Variants in HOPX observed in about 807,000 individuals in gnomAD.
The protein encoded by HOPX is HOP homeobox.
A neutral mutation model predicts 11.8 loss-of-function variants in HOPX; 5 were observed. That is an observed-to-expected ratio of 0.43 (90% CI 0.22 to 0.89). The LOEUF (loss-of-function observed/expected upper bound fraction) is 0.89. Among genes scored for constraint, HOPX ranks in the 40% least tolerant of loss-of-function variants. The pLI is 0.28. For synonymous variants in HOPX, 49 were observed against 49.7 expected (o/e 0.99, Z 0.06); for missense variants, 119 against 120.0 (o/e 0.99, Z 0.04).
intron 1 of HOPX, chr4:56,662,504 G>A (rs1386397415): frequency 2.0e-5 from 3 of 147,724 alleles, no homozygotes; most frequent in Non-Finnish European, 4.5e-5. Context: ...TTTTTAGACG[G>A]AGTCTCATTC....
intron 1 of HOPX, among the ~76,000 whole-genome samples, chr4:56,673,040 C>T (rs1460225070): frequency 6.6e-6 from 1 of 152,176 alleles, no homozygotes; most frequent in Non-Finnish European, 1.5e-5. Flanking sequence ...AAACCTCTAG[C>T]CCACTCCTTT....
chr4:56,659,328 T>C (rs1453233134), intron 1 of HOPX: 2 of 152,280 alleles, frequency 1.3e-5, no homozygotes, highest in Admixed American at 6.5e-5. Context: ...TCTTGAAACA[T>C]TTTGTATTTT....
At chr4:56,654,388 G>A (rs1471685332) in intron 3 of HOPX, among the ~76,000 whole-genome samples, 1 of 152,232 alleles carries the variant, frequency 6.6e-6, no homozygotes, top group African/African-American at 2.4e-5. Context: ...TCTTGTTGGT[G>A]CTGTGCCCAC....
intron 1 of HOPX, among the ~76,000 whole-genome samples, chr4:56,677,635 AC>A (rs1210341744): frequency 1.3e-5 from 2 of 151,624 alleles, no homozygotes; most frequent in African/African-American, 4.9e-5. Context: ...CCAATTGGAA[AC>A]ATGGCCAGGG....
intron 3 of HOPX, 53 bp from the exon 4 acceptor site, chr4:56,648,850 G>T: frequency 1.5e-6 from 2 of 1,377,986 alleles, no homozygotes; most frequent in Non-Finnish European, 2.1e-6. Context: ...AAACTGAAAT[G>T]CCTGTTCCCT....
intron 1 of HOPX, among the ~76,000 whole-genome samples, chr4:56,660,691 CTATT>C (rs1480248593): frequency 1.3e-5 from 2 of 152,072 alleles, no homozygotes; most frequent in Admixed American, 6.5e-5. Context: ...TTCTCCAAGA[CTATT>C]TAGAAGATTA....
chr4:56,655,561 G>A (rs1185384020), intron 3 of HOPX, among the ~76,000 whole-genome samples: 1 of 149,518 alleles, frequency 6.7e-6, no homozygotes, highest in Non-Finnish European at 1.5e-5. Context: ...GTGTATCCCG[G>A]GCTGCCGGGG....
rs747812799 is a variant in HOPX at position 56,656,032 on chromosome 4, G to A, written c.43-20C>T. 1 of 1,550,208 alleles carries A rather than the reference G, an allele frequency of 6.5e-7. No homozygotes were observed. The highest frequency in any genetic ancestry group is 2.6e-5 in the East Asian group (1 of 38,916). ...TGCGCGCTGCGGGGCAGGGAGAAGC[G>A]GCGGCGGTGAGCGAGGCGTGGAGCG... On this transcript the variant is annotated intron_variant, in intron 2 of 3. Coordinates refer to ENST00000420433, the MANE Select transcript of HOPX (RefSeq NM_032495.6).
At chr4:56,660,256 G>GTTACTATTTATA (rs1718035473) in intron 1 of HOPX, among the ~76,000 whole-genome samples, 1 of 151,896 alleles carries the variant, frequency 6.6e-6, no homozygotes, top group Non-Finnish European at 1.5e-5. Context: ...TACTATTTAT[G>GTTACTATTTATA]TACAAAACAT....
intron 1 of HOPX, among the ~76,000 whole-genome samples, chr4:56,676,904 G>T (rs1206545342): frequency 1.3e-5 from 2 of 149,708 alleles, no homozygotes; most frequent in Non-Finnish European, 3.0e-5. Flanking sequence ...CCACAATCTG[G>T]TTTTCAAACT....
At chr4:56,663,684 ACT>A (rs1206314015) in intron 1 of HOPX, 1 of 152,162 alleles carries the variant, frequency 6.6e-6, no homozygotes, top group Non-Finnish European at 1.5e-5. Context: ...ACGAGGTTTC[ACT>A]ATGTTGGCCA....
At chr4:56,650,401 A>G (rs935778732) in intron 3 of HOPX, 2 of 347,556 alleles carry the variant, frequency 5.8e-6, no homozygotes, top group African/African-American at 4.3e-5. Context: ...ATGCCTATAC[A>G]GATACTCAGA....
At chr4:56,650,694 G>A in intron 3 of HOPX, 1 of 1,551,702 alleles carries the variant, frequency 6.4e-7, no homozygotes. Flanking sequence ...TTTACACTGG[G>A]GCGGCAGTAG....
intron 2 of HOPX, 49 bp from the exon 3 acceptor site, chr4:56,656,061 G>A (rs750818957): frequency 2.7e-6 from 4 of 1,461,968 alleles, no homozygotes; most frequent in African/African-American, 2.9e-5. Context: ...TGGAGCGGGC[G>A]GGACGCAGCG....
chr4:56,668,048 CTAAG>C (rs1341293028), intron 1 of HOPX, among the ~76,000 whole-genome samples: 1 of 152,150 alleles, frequency 6.6e-6, no homozygotes, highest in East Asian at 1.9e-4. Context: ...CCTCAGCCTC[CTAAG>C]TAACTGGGAC....
chr4:56,666,013 C>T lies in HOPX; in HGVS notation c.-83-8114G>A, dbSNP rs76778922. ...CGAGGAACAGAAGAAAGGCAGTGCCCGGTGTCTGCTCTGGCTCCCTGTGGG... is the reference window on the plus strand; with the variant it reads ...CGAGGAACAGAAGAAAGGCAGTGCCTGGTGTCTGCTCTGGCTCCCTGTGGG... On this transcript the variant is annotated intron_variant, in intron 1 of 3. Coordinates refer to ENST00000420433, the MANE Select transcript of HOPX (RefSeq NM_032495.6). Among the ~76,000 whole-genome samples the T allele has an allele frequency of 2.4e-3, 370 of 152,206 alleles. 1 individual carries two copies. The highest frequency in any genetic ancestry group is 0.01 in the Middle Eastern group (3 of 294).
chr4:56,679,405 T>G (rs887515709), intron 1 of HOPX: 9 of 152,042 alleles, frequency 5.9e-5, no homozygotes, highest in African/African-American at 2.2e-4. Context: ...GTTTCCTGTG[T>G]ACCTTGGGAG....
intron 1 of HOPX, chr4:56,680,324 G>C (rs1036705293): frequency 1.3e-5 from 2 of 152,070 alleles, no homozygotes; most frequent in Admixed American, 1.3e-4. Context: ...TTAATGCCCT[G>C]CTCTATTCCT....
intron 1 of HOPX, chr4:56,665,308 A>G (rs1436157751): frequency 6.6e-6 from 1 of 152,176 alleles, no homozygotes; most frequent in Non-Finnish European, 1.5e-5. Context: ...CCAGTAAATT[A>G]TATGCACTTC....
Sources: allele counts gnomAD v4.1 joint callset (sites outside exome capture counted in the v4.1 genomes callset), GRCh38; gene constraint gnomAD v4.1.1; transcripts MANE v1.5; gene names NCBI Gene and HGNC (gene_info 2026-07-23, HGNC 2026-07-21).